The following AP2B1 variants were observed in gnomAD, a reference collection of about 807,000 sequenced individuals.
AP2B1 encodes the protein adaptor related protein complex 2 subunit beta 1.
AP2B1 carries 23 observed loss-of-function variants against 102.0 expected under a neutral mutation model. The observed-to-expected ratio is 0.23, with a 90% confidence interval of 0.16 to 0.32. AP2B1 has a LOEUF of 0.32. Among genes scored for constraint, AP2B1 ranks in the 10% least tolerant of loss-of-function variants. The pLI is 1.00. For missense variants in AP2B1, 541 were observed against 1,157.4 expected, an observed-to-expected ratio of 0.47 and a Z score of 7.73; for synonymous variants, 381 against 421.2, an observed-to-expected ratio of 0.90 and a Z score of 1.17.
At chr17:35,605,661 A>G in intron 3 of AP2B1, 44 bp from the exon 4 acceptor site, 1 of 1,467,522 alleles carries the variant, frequency 6.8e-7, no homozygotes. Flanking sequence ...GCTTGGCACC[A>G]ACACCTGCTT....
intron 5 of AP2B1, chr17:35,621,293 T>A (rs2074169371): frequency 2.0e-6 from 2 of 985,216 alleles, no homozygotes; most frequent in Non-Finnish European, 2.4e-6. Context: ...TGCGACTGAT[T>A]TATTTTAAGT....
intron 2 of AP2B1, among the ~76,000 whole-genome samples, chr17:35,594,969 G>C (rs1034496147): frequency 6.6e-6 from 1 of 152,186 alleles, no homozygotes; most frequent in African/African-American, 2.4e-5. Context: ...CTGTAGCTTA[G>C]CTTGCTTTAT....
At chr17:35,692,376 A>T (rs1312726883) in intron 18 of AP2B1, among the ~76,000 whole-genome samples, 1 of 152,218 alleles carries the variant, frequency 6.6e-6, no homozygotes, top group African/African-American at 2.4e-5. Context: ...TTAATGATGG[A>T]TAATGGCATT....
intron 13 of AP2B1, 183 bp downstream of exon 13, chr17:35,650,972 T>C: frequency 3.3e-6 from 2 of 610,292 alleles, no homozygotes; most frequent in Non-Finnish European, 5.6e-6. Context: ...CCCAGGGAGC[T>C]CCATCTGAAT....
rs572424896 is a variant in AP2B1, at chr17:35,663,267, G to A, written c.1989+5476G>A. Reference sequence around the variant, plus strand: ...CCACCATCTTTGTATCAGTGCATACGTTTAGTCAAGGCTGGCCTCAGACAG... The same window carrying A: ...CCACCATCTTTGTATCAGTGCATACATTTAGTCAAGGCTGGCCTCAGACAG... On this transcript the variant is annotated intron_variant, in intron 14 of 21. Coordinates refer to ENST00000610402, the MANE Select transcript of AP2B1 (RefSeq NM_001030006.2). 4.6e-5 allele frequency among the ~76,000 whole-genome samples: 7 copies of A among 152,264 alleles called. No individual in the cohort carries two copies. The South Asian group carries it at 1.5e-3, about 32-fold the overall frequency.
chr17:35,710,821 A>G (rs893827971), intron 20 of AP2B1, among the ~76,000 whole-genome samples: 1 of 152,226 alleles, frequency 6.6e-6, no homozygotes, highest in South Asian at 2.1e-4. Flanking sequence ...CAGTAATCCC[A>G]GCACTTTGGA....
intron 12 of AP2B1, among the ~76,000 whole-genome samples, chr17:35,646,066 T>C (rs1371635974): frequency 6.6e-6 from 1 of 152,200 alleles, no homozygotes. Flanking sequence ...TTCTGCACTT[T>C]CAGTGGCATT....
At chr17:35,671,125 A>G (rs549160459) in intron 15 of AP2B1, among the ~76,000 whole-genome samples, 1 of 152,274 alleles carries the variant, frequency 6.6e-6, no homozygotes, top group South Asian at 2.1e-4. Context: ...CAGTGCCTAT[A>G]GAGATCTTTG....
At chr17:35,687,853 G>A (rs114798405) in intron 18 of AP2B1, among the ~76,000 whole-genome samples, 175 of 152,220 alleles carry the variant, frequency 1.1e-3, no homozygotes, top group African/African-American at 4.0e-3. Flanking sequence ...ACCCTGCCCA[G>A]TGTTTACATT....
intron 5 of AP2B1, among the ~76,000 whole-genome samples, chr17:35,615,044 A>G (rs2073975300): frequency 6.6e-6 from 1 of 152,150 alleles, no homozygotes; most frequent in Admixed American, 6.5e-5. Context: ...TGTTTTCAAC[A>G]TCCTTCAGTG....
intron 10 of AP2B1, 136 bp downstream of exon 10, chr17:35,636,592 AT>A (rs11345348): frequency 0.84 from 519,501 of 618,858 alleles, 219,917 homozygotes; most frequent in African/African-American, 0.97. Context: ...AATCGGAAAC[AT>A]TAAAATGGTT....
Position 35,608,236 on chromosome 17 carries a change from C to T in AP2B1, c.374C>T (p.Pro125Leu), listed in dbSNP as rs1026818842. ...AAAATTACAGAATATCTCTGTGAGC[C>T]GCTCCGCAAGTGCTTGAAGGATGAG... ...VDKITEYLCE[P>L]LRKCLKDEDP... The change falls in exon 5 of 22, where the codon CCG (proline) becomes CTG (leucine). Residue 125 changes from proline (P) to leucine (L), a missense_variant. Physicochemically the swap from Pro to Leu is moderately conservative, Grantham distance 98. Around this residue, in one of 10 missense-constraint regions of AP2B1, gnomAD observed 28 missense variants for 98.3 expected, o/e 0.28. Transcript: ENST00000610402. 1.9e-6 allele frequency: 3 copies of T among 1,614,088 alleles called. No homozygotes were observed. The highest frequency in any genetic ancestry group is 1.7e-5 in the Admixed American group (1 of 60,002).
intron 2 of AP2B1, among the ~76,000 whole-genome samples, chr17:35,597,408 A>G (rs2073328589): frequency 6.6e-6 from 1 of 152,214 alleles, no homozygotes; most frequent in Non-Finnish European, 1.5e-5. Flanking sequence ...AATAGTGGTT[A>G]CAGTCCCTGA....
chr17:35,721,429 A>G (rs1249546283), intron 21 of AP2B1, among the ~76,000 whole-genome samples: 1 of 152,198 alleles, frequency 6.6e-6, no homozygotes, highest in Non-Finnish European at 1.5e-5. Flanking sequence ...AGCCCCAAGG[A>G]AGGCCTCTTT....
chr17:35,631,282 A>C (rs2074452940), intron 9 of AP2B1, among the ~76,000 whole-genome samples: 2 of 152,074 alleles, frequency 1.3e-5, no homozygotes, highest in Non-Finnish European at 1.5e-5. Flanking sequence ...ATTAGAATAA[A>C]ATATTGGTTT....
At chr17:35,677,337 A>G (rs1219862554) in intron 17 of AP2B1, among the ~76,000 whole-genome samples, 2 of 152,098 alleles carry the variant, frequency 1.3e-5, no homozygotes, top group Non-Finnish European at 2.9e-5. Context: ...TCTTCTTATG[A>G]CTTAGGCTTT....
chr17:35,663,776 T>C (rs1050017802), intron 14 of AP2B1, among the ~76,000 whole-genome samples: 1 of 152,248 alleles, frequency 6.6e-6, no homozygotes, highest in African/African-American at 2.4e-5. Flanking sequence ...GGCCTCTTGA[T>C]GGTGTACATC....
At chr17:35,591,083 A>G (rs1038839535) in intron 1 of AP2B1, among the ~76,000 whole-genome samples, 1 of 150,356 alleles carries the variant, frequency 6.7e-6, no homozygotes. Context: ...CTAAGGCAGG[A>G]GAATCACTTG....
intron 16 of AP2B1, 63 bp downstream of exon 16, chr17:35,671,963 C>T (rs1409869170): frequency 1.3e-6 from 2 of 1,559,204 alleles, no homozygotes; most frequent in African/African-American, 2.7e-5. Flanking sequence ...GTTTCACTTT[C>T]AACATTTGTG....
Sources: allele counts gnomAD v4.1 joint callset (sites outside exome capture counted in the v4.1 genomes callset), GRCh38; gene constraint gnomAD v4.1.1; regional missense constraint gnomAD v4.1.1; transcripts MANE v1.5; gene names NCBI Gene and HGNC (gene_info 2026-07-23, HGNC 2026-07-21).